Variants in DGKI observed in about 807,000 individuals in gnomAD.
The protein encoded by DGKI is diacylglycerol kinase iota, also known as DAG kinase iota.
Under a neutral mutation model 147.5 loss-of-function variants are expected in DGKI, and 55 were observed. The ratio of observed to expected loss-of-function variants is 0.37; its 90% CI spans 0.30 to 0.47. The LOEUF is 0.47. DGKI is among the 20% of genes least tolerant of loss of function. DGKI has a pLI of 1.00. For synonymous variants in DGKI, 469 were observed against 477.1 expected, an observed-to-expected ratio of 0.98 and a Z score of 0.22; for missense variants, 1,007 against 1,323.8, an observed-to-expected ratio of 0.76 and a Z score of 3.71.
chr7:137,533,903 T>C (rs910738116), intron 20 of DGKI, among the ~76,000 whole-genome samples: 1 of 152,118 alleles, frequency 6.6e-6, no homozygotes. Flanking sequence ...GAATCATGTA[T>C]AGAACTTCAT....
chr7:137,579,457 A>G (rs1228614550), intron 15 of DGKI, among the ~76,000 whole-genome samples: 32 of 151,248 alleles, frequency 2.1e-4, no homozygotes, highest in African/African-American at 7.6e-4. Context: ...AAAAAGAAAG[A>G]AAAAAAGGCT....
rs570496434 is a variant in DGKI at position 137,651,995 on chromosome 7, CAAT to C, written c.738+2734_738+2736del. Among the ~76,000 whole-genome samples the C allele has an allele frequency of 4.5e-4, 68 of 152,212 alleles. 1 individual carries two copies. Among genetic ancestry groups the C allele is most frequent in the African/African-American group, 1.5e-3 (61 of 41,544 alleles). ...GTAGATATCAGATCAGAACAGGTTA[CAAT>C]GACTAGAAAGTGACATACCGAAAAT... is the stretch of plus-strand genomic sequence containing the variant. On this transcript the variant is annotated intron_variant, in intron 5 of 32. Transcript: ENST00000614521.
At chr7:137,560,277 A>C (rs1818375291) in intron 19 of DGKI, among the ~76,000 whole-genome samples, 1 of 152,256 alleles carries the variant, frequency 6.6e-6, no homozygotes, top group African/African-American at 2.4e-5. Flanking sequence ...TATCTGAAAA[A>C]CAGAGACAGA....
At chr7:137,432,061 C>G (rs963321957) in intron 28 of DGKI, among the ~76,000 whole-genome samples, 1 of 152,174 alleles carries the variant, frequency 6.6e-6, no homozygotes, top group Non-Finnish European at 1.5e-5. Context: ...TGTGGGGCAC[C>G]TCCCCCTTTG....
chr7:137,726,790 T>C (rs555951535), intron 1 of DGKI, among the ~76,000 whole-genome samples: 19 of 152,340 alleles, frequency 1.2e-4, no homozygotes, highest in Non-Finnish European at 2.5e-4. Flanking sequence ...ACTATTGATC[T>C]CTGCTATTGA....
At chr7:137,780,726 A>AT (rs1173479350) in intron 1 of DGKI, among the ~76,000 whole-genome samples, 1 of 152,170 alleles carries the variant, frequency 6.6e-6, no homozygotes, top group Non-Finnish European at 1.5e-5. Context: ...TCAAGAAATA[A>AT]TTTTTTTAAA....
chr7:137,631,726 T>C (rs1021640139), intron 6 of DGKI, among the ~76,000 whole-genome samples: 1 of 150,376 alleles, frequency 6.6e-6, no homozygotes, highest in Admixed American at 6.6e-5. Context: ...CTCTTGAAAA[T>C]TTGAACAAAA....
At chr7:137,443,844 T>G (rs74479156) in intron 28 of DGKI, among the ~76,000 whole-genome samples, 1 of 152,246 alleles carries the variant, frequency 6.6e-6, no homozygotes, top group African/African-American at 2.4e-5. Context: ...CAGAATAAAT[T>G]AAGGCTTCAC....
chr7:137,722,221 A>G lies in DGKI; in HGVS notation c.402-32219T>C, dbSNP rs930819933. 3 of 1,599,730 alleles carry G rather than the reference A, an allele frequency of 1.9e-6. No individual in the cohort carries two copies. In the African/African-American group the frequency reaches 4.0e-5, roughly 22 times the overall value. Reference sequence around the variant, plus strand: ...GAGGAAGTACTCAGCCGCTAAATCCAAGGTTGAAAAGAAAAAGAAGGAGAA... The same window carrying G: ...GAGGAAGTACTCAGCCGCTAAATCCGAGGTTGAAAAGAAAAAGAAGGAGAA... On this transcript the variant is annotated intron_variant, in intron 1 of 32. Transcript: ENST00000614521.
intron 30 of DGKI, among the ~76,000 whole-genome samples, chr7:137,406,555 C>T (rs1297427354): frequency 1.3e-5 from 2 of 152,206 alleles, no homozygotes; most frequent in African/African-American, 2.4e-5. Flanking sequence ...AGAATCTTCA[C>T]AGTGAGAAGG....
intron 19 of DGKI, among the ~76,000 whole-genome samples, chr7:137,559,826 A>G (rs1288669093): frequency 1.3e-5 from 2 of 152,200 alleles, no homozygotes; most frequent in South Asian, 4.1e-4. Context: ...CTTTAAAGGT[A>G]GCTATATGGA....
chr7:137,710,833 T>TA (rs1337594471), intron 1 of DGKI, among the ~76,000 whole-genome samples: 2 of 151,932 alleles, frequency 1.3e-5, no homozygotes, highest in Non-Finnish European at 2.9e-5. Flanking sequence ...ATGAAGAAGG[T>TA]AAAAAGATTA....
intron 1 of DGKI, among the ~76,000 whole-genome samples, chr7:137,818,648 G>C (rs1333880802): frequency 1.3e-5 from 2 of 152,026 alleles, no homozygotes; most frequent in Non-Finnish European, 2.9e-5. Flanking sequence ...TCACCATGTT[G>C]GTCAGCTGGT....
In DGKI at chr7:137,720,289, G is replaced by A. The variant is rs139495172; in HGVS notation, c.402-30287C>T. On this transcript the variant is annotated intron_variant, in intron 1 of 32. Coordinates refer to ENST00000614521, the MANE Select transcript of DGKI (RefSeq NM_001321708.2). ...TTTTTTTTTTTTGAGACAGAGTCTC[G>A]CTCTTTCGCCCAGGCTGGACTGCAG... 7.5e-3 allele frequency among the ~76,000 whole-genome samples: 832 copies of A among 110,430 alleles called. 5 individuals carry two copies. The highest frequency in any genetic ancestry group is 0.028 in the African/African-American group (780 of 28,356). 72.4% of individuals were successfully genotyped at this position (110,430 alleles called of 152,430 possible).
rs923122844 is a variant in DGKI, at chr7:137,388,435, G to A, written c.*2785C>T. Reference sequence around the variant, plus strand: ...CACAGAGGAGTCAGCCAAGCTAGCTGCCTCTTCAGTGCTGTCTCAGTAGGC... The same window carrying A: ...CACAGAGGAGTCAGCCAAGCTAGCTACCTCTTCAGTGCTGTCTCAGTAGGC... On this transcript the variant is annotated 3_prime_UTR_variant, in exon 33 of 33. Transcript: ENST00000614521. The A allele has an allele frequency of 1.3e-5, 2 of 152,134 alleles. No homozygotes were observed. The highest frequency in any genetic ancestry group is 4.8e-5 in the African/African-American group (2 of 41,428). The allele number at this position is 152,134 out of a possible 1,614,324, so 9.4% of individuals were successfully genotyped here.
intron 21 of DGKI, among the ~76,000 whole-genome samples, chr7:137,509,491 C>T (rs535362912): frequency 1.2e-4 from 18 of 152,242 alleles, no homozygotes; most frequent in South Asian, 2.1e-4. Flanking sequence ...ACAGTGAAGT[C>T]GTTTTGCATA....
chr7:137,827,910 T>A (rs1293658587), intron 1 of DGKI, among the ~76,000 whole-genome samples: 1 of 152,226 alleles, frequency 6.6e-6, no homozygotes, highest in African/African-American at 2.4e-5. Flanking sequence ...ATCAATGACA[T>A]GAACAAGTCC....
chr7:137,706,229 AG>A (rs1383270827), intron 1 of DGKI, among the ~76,000 whole-genome samples: 1 of 151,876 alleles, frequency 6.6e-6, no homozygotes, highest in African/African-American at 2.4e-5. Flanking sequence ...GCCCCCTTAC[AG>A]GGCCTTTTTA....
rs928370395 is a variant in DGKI, at chr7:137,822,951, G to GA, written c.401+23510dup. 1.1e-3 allele frequency among the ~76,000 whole-genome samples: 158 copies of GA among 139,090 alleles called. 1 individual carries two copies. Among genetic ancestry groups the GA allele is most frequent in the African/African-American group, 2.8e-3 (104 of 37,752 alleles). 91.2% of individuals were successfully genotyped at this position (139,090 alleles called of 152,430 possible). On this transcript the variant is annotated intron_variant, in intron 1 of 32. Transcript: ENST00000614521. ...TAAAAGGTAAAGGAGAACTTTAATA[G>GA]AAAAAAAAAATCAGAGGAATAGTTC... is the stretch of plus-strand genomic sequence containing the variant.
Sources: allele counts gnomAD v4.1 joint callset (sites outside exome capture counted in the v4.1 genomes callset), GRCh38; gene constraint gnomAD v4.1.1; transcripts MANE v1.5; gene names NCBI Gene and HGNC (gene_info 2026-07-23, HGNC 2026-07-21).